The following PDXDC1 variants were observed in gnomAD, a reference collection of about 807,000 sequenced individuals.
PDXDC1 encodes the protein pyridoxal-dependent decarboxylase domain-containing protein 1.
A neutral mutation model predicts 100.1 loss-of-function variants in PDXDC1; 42 were observed. The ratio of observed to expected loss-of-function variants is 0.42; its 90% CI spans 0.33 to 0.54. The LOEUF (loss-of-function observed/expected upper bound fraction) is 0.54. Ranked by LOEUF, PDXDC1 falls within the 20% of genes least tolerant of loss-of-function variation. PDXDC1 has a pLI of 0.10. For missense variants in PDXDC1, 636 were observed against 979.2 expected, an observed-to-expected ratio of 0.65 and a Z score of 4.68; for synonymous variants, 260 against 371.7, an observed-to-expected ratio of 0.70 and a Z score of 3.46.
intron 16 of PDXDC1, chr16:15,074,681 T>C: frequency 6.6e-7 from 1 of 1,520,638 alleles, no homozygotes; most frequent in Non-Finnish European, 9.0e-7. Context: ...CAAAGCCAGG[T>C]ACACTGCAGG....
intron 16 of PDXDC1, among the ~76,000 whole-genome samples, chr16:15,050,241 T>C (rs779550246): frequency 3.0e-4 from 46 of 152,348 alleles, no homozygotes; most frequent in Middle Eastern, 3.4e-3. Flanking sequence ...AAATATTAAA[T>C]TGATACAACA....
intron 8 of PDXDC1, among the ~76,000 whole-genome samples, chr16:15,010,806 G>T (rs1280420090): frequency 6.6e-6 from 1 of 152,398 alleles, no homozygotes; most frequent in Non-Finnish European, 1.5e-5. Flanking sequence ...TAGCAAAGAA[G>T]AATTGGAAAT....
intron 16 of PDXDC1, among the ~76,000 whole-genome samples, chr16:15,056,545 G>A (rs2044532460): frequency 6.6e-6 from 1 of 152,210 alleles, no homozygotes; most frequent in Non-Finnish European, 1.5e-5. Context: ...GGGGGCCGAG[G>A]CAGGAGGATC....
chr16:15,093,038 C>T (rs1324126822), intron 16 of PDXDC1, among the ~76,000 whole-genome samples: 5 of 151,940 alleles, frequency 3.3e-5, no homozygotes, highest in African/African-American at 1.2e-4. Context: ...GAGTCTTGCT[C>T]TGCTGCCCAG....
At position 15,106,414 on chromosome 16, in the gene PDXDC1, C is replaced by G. The variant is rs2046799303; in HGVS notation, c.1400-32465C>G. On this transcript the variant is annotated intron_variant, in intron 16 of 16. Coordinates refer to the PDXDC1 transcript ENST00000535621. ...TTTCTGTTATCCTCACAACTGTACC[C>G]TTACACAATCTATCTCTACCTAGAA... 2 of 596,444 alleles carry G rather than the reference C, an allele frequency of 3.4e-6. 1 individual carries two copies. Among genetic ancestry groups the G allele is most frequent in the Non-Finnish European group, 5.9e-6 (2 of 338,654 alleles). The allele number at this position is 596,444 out of a possible 1,614,324, so 36.9% of individuals were successfully genotyped here.
chr16:15,087,140 G>A (rs1159935886), intron 16 of PDXDC1, among the ~76,000 whole-genome samples: 3 of 151,900 alleles, frequency 2.0e-5, no homozygotes, highest in East Asian at 1.9e-4. Flanking sequence ...ATACTGCACA[G>A]GAAAAAAACC....
rs201991353 is a variant in PDXDC1, at chr16:15,135,847, C to G, written c.1400-3032C>G. ...TGGCCTGGATGCTCCGTGCCAGTGG[C>G]GTGTCCCCAAATGACACGACAAACA... On this transcript the variant is annotated intron_variant, in intron 16 of 16. Coordinates refer to the PDXDC1 transcript ENST00000535621. 1.0e-4 allele frequency: 154 copies of G among 1,489,956 alleles called. 1 individual carries two copies. The highest frequency in any genetic ancestry group is 5.4e-5 in the African/African-American group (4 of 74,274). The allele number at this position is 1,489,956 out of a possible 1,614,324, so 92.3% of individuals were successfully genotyped here. A position where few individuals can be genotyped will look rare whatever the true frequency, so the allele number is the denominator to read the frequency against.
intron 16 of PDXDC1, chr16:15,127,830 C>G: frequency 1.3e-6 from 2 of 1,563,284 alleles, no homozygotes; most frequent in Non-Finnish European, 1.7e-6. Context: ...GCCAGATGTG[C>G]TTGTCAAAGA....
chr16:15,122,467 G>A (rs2665221), intron 16 of PDXDC1, among the ~76,000 whole-genome samples: 2 of 140,136 alleles, frequency 1.4e-5, no homozygotes, highest in East Asian at 2.2e-4. Context: ...TGCCCACCTC[G>A]GCCCCCTAAA....
intron 1 of PDXDC1, among the ~76,000 whole-genome samples, chr16:14,986,036 G>T (rs1969285719): frequency 6.6e-6 from 1 of 152,284 alleles, no homozygotes; most frequent in African/African-American, 2.4e-5. Context: ...AGGAACTCAA[G>T]GCTGCAGCCA....
downstream of PDXDC1, among the ~76,000 whole-genome samples, chr16:15,042,104 C>T (rs1473069448): frequency 6.6e-6 from 1 of 152,112 alleles, no homozygotes; most frequent in East Asian, 1.9e-4. Flanking sequence ...TGTCCATAAT[C>T]CTAACACTGT....
intron 4 of PDXDC1, among the ~76,000 whole-genome samples, chr16:15,003,840 C>G (rs1212764598): frequency 6.6e-6 from 1 of 152,188 alleles, no homozygotes; most frequent in African/African-American, 2.4e-5. Context: ...AAAAATTAGC[C>G]GGGCTTGGTG....
intron 16 of PDXDC1, chr16:15,076,380 C>T (rs959734990): frequency 7.9e-5 from 49 of 618,694 alleles, no homozygotes; most frequent in Admixed American, 5.3e-4. Flanking sequence ...TGGAAATAGA[C>T]CAACTATGCT....
chr16:15,130,444 G>A, intron 16 of PDXDC1: 1 of 1,475,188 alleles, frequency 6.8e-7, no homozygotes, highest in Non-Finnish European at 9.4e-7. Flanking sequence ...CTCCCCACTG[G>A]GTCTCTGGTC....
intron 16 of PDXDC1, among the ~76,000 whole-genome samples, chr16:15,126,280 G>A (rs1477676422): frequency 7.4e-6 from 1 of 135,450 alleles, no homozygotes; most frequent in Non-Finnish European, 1.6e-5. Context: ...CAAGTGATCT[G>A]CCCGCCTCCG....
intron 16 of PDXDC1, chr16:15,047,200 A>C: frequency 1.9e-6 from 1 of 523,298 alleles, no homozygotes. Context: ...AGACGACATC[A>C]AGTTCAAAGT....
intron 1 of PDXDC1, among the ~76,000 whole-genome samples, chr16:14,992,949 TCAAG>T (rs1186556537): frequency 1.3e-5 from 2 of 152,170 alleles, no homozygotes; most frequent in Non-Finnish European, 2.9e-5. Context: ...ACTCCCAGGC[TCAAG>T]CGATCCTCCT....
chr16:15,029,535 A>G (rs1210529329), intron 15 of PDXDC1: 6 of 351,546 alleles, frequency 1.7e-5, no homozygotes, highest in Admixed American at 1.4e-4. Flanking sequence ...GAGTGTCTCA[A>G]GCAGAAAGGA....
chr16:15,130,418 G>C, intron 16 of PDXDC1: 2 of 1,544,946 alleles, frequency 1.3e-6, no homozygotes, highest in Non-Finnish European at 1.8e-6. Context: ...AGTGGCTGGA[G>C]AGGTTCAGAC....
Sources: gnomAD v4.1 joint callset for allele counts (sites outside exome capture counted in the v4.1 genomes callset) on GRCh38, gnomAD v4.1.1 for gene constraint, MANE v1.5 for transcripts, NCBI Gene and HGNC (gene_info 2026-07-23, HGNC 2026-07-21) for gene names.